The following GRIN2A variants were observed in gnomAD, a reference collection of about 807,000 sequenced individuals.
GRIN2A encodes the protein glutamate receptor ionotropic, NMDA 2A.
Under a neutral mutation model 113.4 loss-of-function variants are expected in GRIN2A, and 22 were observed. That is an observed-to-expected ratio of 0.19 (90% CI 0.14 to 0.28). The LOEUF is 0.28. Ranked by LOEUF, GRIN2A falls within the 10% of genes least tolerant of loss-of-function variation. GRIN2A has a pLI of 1.00. For synonymous variants in GRIN2A, 827 were observed against 738.4 expected (o/e 1.12, Z -1.94); for missense variants, 1,502 against 1,887.0 (o/e 0.80, Z 3.78).
intron 2 of GRIN2A, among the ~76,000 whole-genome samples, chr16:9,981,933 T>G (rs2045899658): frequency 6.6e-6 from 1 of 152,064 alleles, no homozygotes; most frequent in African/African-American, 2.4e-5. Context: ...ATTACAGACA[T>G]GTGCCACCAT....
intron 3 of GRIN2A, among the ~76,000 whole-genome samples, chr16:9,900,385 A>G (rs1471121217): frequency 1.3e-5 from 2 of 152,102 alleles, no homozygotes; most frequent in Non-Finnish European, 2.9e-5. Context: ...TGGGCATCCA[A>G]CTCTATTCAG....
At chr16:10,081,742 T>C (rs998178788) in intron 2 of GRIN2A, among the ~76,000 whole-genome samples, 1 of 152,194 alleles carries the variant, frequency 6.6e-6, no homozygotes, top group Non-Finnish European at 1.5e-5. Flanking sequence ...GTCTCTCCAA[T>C]ACCTGCCTGT....
chr16:9,977,034 C>T (rs774518289), intron 2 of GRIN2A, among the ~76,000 whole-genome samples: 1 of 152,224 alleles, frequency 6.6e-6, no homozygotes, highest in Non-Finnish European at 1.5e-5. Context: ...AGAGTTGACT[C>T]TCCACCTTCT....
chr16:10,024,123 C>A (rs1450827836), intron 2 of GRIN2A, among the ~76,000 whole-genome samples: 2 of 152,194 alleles, frequency 1.3e-5, no homozygotes, highest in African/African-American at 4.8e-5. Flanking sequence ...GGGCTCAAAT[C>A]GAGCCCATGA....
chr16:10,138,471 T>C (rs186976603), intron 2 of GRIN2A, among the ~76,000 whole-genome samples: 73 of 152,134 alleles, frequency 4.8e-4, no homozygotes, highest in African/African-American at 1.7e-3. Flanking sequence ...AAAGAAGCAA[T>C]TGACACACAC....
At chr16:9,945,924 C>T (rs2045007592) in intron 2 of GRIN2A, among the ~76,000 whole-genome samples, 1 of 152,150 alleles carries the variant, frequency 6.6e-6, no homozygotes, top group Non-Finnish European at 1.5e-5. Context: ...GAATTTCAGA[C>T]CTTGTCCCAG....
chr16:10,083,922 T>G (rs1394612935), intron 2 of GRIN2A, among the ~76,000 whole-genome samples: 1 of 152,082 alleles, frequency 6.6e-6, no homozygotes, highest in Non-Finnish European at 1.5e-5. Context: ...GCCAACATGG[T>G]GAAACCCTGT....
At position 9,948,924 on chromosome 16, in the gene GRIN2A, T is replaced by C. The variant is rs540318045; in HGVS notation, c.415-10373A>G. 2.6e-5 allele frequency among the ~76,000 whole-genome samples: 4 copies of C among 152,342 alleles called. No homozygotes were observed. The South Asian group carries it at 8.3e-4, about 32-fold the overall frequency. Reference sequence around the variant, plus strand: ...ATGTACGCAAGTGGCTGGGTCTCCCTGAGCCTCCATTTTTTTCATCTATAA... The same window carrying C: ...ATGTACGCAAGTGGCTGGGTCTCCCCGAGCCTCCATTTTTTTCATCTATAA... On this transcript the variant is annotated intron_variant, in intron 2 of 12. Coordinates refer to ENST00000330684, the MANE Select transcript of GRIN2A (RefSeq NM_001134407.3).
At chr16:10,063,472 T>C (rs902389364) in intron 2 of GRIN2A, among the ~76,000 whole-genome samples, 1 of 152,216 alleles carries the variant, frequency 6.6e-6, no homozygotes, top group African/African-American at 2.4e-5. Context: ...TAGTAGATGC[T>C]TATGACAGCA....
intron 2 of GRIN2A, chr16:10,112,815 T>C: frequency 1.5e-6 from 1 of 654,352 alleles, no homozygotes; most frequent in Admixed American, 1.8e-5. Flanking sequence ...ATTTGAGAAG[T>C]GGACCATGTC....
intron 11 of GRIN2A, 40 bp from the exon 12 acceptor site, chr16:9,769,129 A>T (rs1258884351): frequency 1.3e-5 from 19 of 1,486,680 alleles, no homozygotes; most frequent in Non-Finnish European, 1.8e-5. Flanking sequence ...GAGGACCAGA[A>T]CATGCACTTT....
rs146216866 is a variant in GRIN2A at position 9,808,471 on chromosome 16, A to G, written c.2169-10007T>C. On this transcript the variant is annotated intron_variant, in intron 10 of 12. Coordinates refer to ENST00000330684, the MANE Select transcript of GRIN2A (RefSeq NM_001134407.3). ...TCAGGGGCCAGAAAACATGAGAGTG[A>G]AAGAGAGATTCCGAAAAACATCGAG... Among the ~76,000 whole-genome samples, 500 of 152,302 alleles carry G rather than the reference A, an allele frequency of 3.3e-3. 3 individuals are homozygous for G. Among genetic ancestry groups the G allele is most frequent in the African/African-American group, 0.011 (468 of 41,560 alleles).
At chr16:9,885,729 G>T (rs575873741) in intron 4 of GRIN2A, among the ~76,000 whole-genome samples, 1 of 152,128 alleles carries the variant, frequency 6.6e-6, no homozygotes, top group African/African-American at 2.4e-5. Flanking sequence ...GTGCTGGGGG[G>T]GCAGCTTTAA....
chr16:9,770,741 A>T (rs1027740097), intron 11 of GRIN2A, among the ~76,000 whole-genome samples: 9 of 152,326 alleles, frequency 5.9e-5, no homozygotes, highest in African/African-American at 2.2e-4. Flanking sequence ...ATGGCTTTGA[A>T]TATTACTTCT....
rs2049854994 is a variant in GRIN2A at position 10,163,875 on chromosome 16, T to C, written c.414+16123A>G. ...CCCTTTCCTATCACAAGGCAGTTCT[T>C]GTTACAACCTTGTGGGGATTCAATC... On this transcript the variant is annotated intron_variant, in intron 2 of 12. Coordinates refer to ENST00000330684, the MANE Select transcript of GRIN2A (RefSeq NM_001134407.3). Among the ~76,000 whole-genome samples the C allele has an allele frequency of 2.0e-5, 3 of 152,362 alleles. No homozygotes were observed. In the South Asian group the frequency reaches 6.2e-4, roughly 32 times the overall value.
intron 2 of GRIN2A, among the ~76,000 whole-genome samples, chr16:10,014,854 A>G (rs1022172926): frequency 6.6e-6 from 1 of 152,218 alleles, no homozygotes; most frequent in Non-Finnish European, 1.5e-5. Context: ...TGGGTTATTA[A>G]TAGGAACATG....
chr16:9,880,380 G>A lies in GRIN2A; in HGVS notation c.1122+10606C>T, dbSNP rs185553858. Among the ~76,000 whole-genome samples the A allele has an allele frequency of 2.3e-3, 350 of 151,012 alleles. 1 individual carries two copies. The highest frequency in any genetic ancestry group is 8.3e-3 in the African/African-American group (336 of 40,374). The stretch of plus-strand genomic sequence containing the variant: ...TTGTGTGAAACTAATTGCAGTTTTC[G>A]CTGTTTTTTTTAAATGGCAAAACCC... On this transcript the variant is annotated intron_variant, in intron 4 of 12. Transcript: ENST00000330684.
chr16:10,020,238 C>A (rs1035015042), intron 2 of GRIN2A, among the ~76,000 whole-genome samples: 2 of 152,094 alleles, frequency 1.3e-5, no homozygotes, highest in East Asian at 3.9e-4. Context: ...CTGGTAAAAC[C>A]CCATCTCTAC....
chr16:9,819,522 A>G lies in GRIN2A; in HGVS notation c.2168+2742T>C, dbSNP rs560935638. On this transcript the variant is annotated intron_variant, in intron 10 of 12. Transcript: ENST00000330684. ...GGGTGACAGAGTGAGACCCTGTCTG[A>G]AAAAAAAAAAAAAATTTAAATAATT... Among the ~76,000 whole-genome samples the G allele has an allele frequency of 3.4e-4, 42 of 124,706 alleles. No homozygotes were observed. The East Asian group carries it at 8.0e-3, about 24-fold the overall frequency. The allele number at this position is 124,706 out of a possible 152,430, so 81.8% of individuals were successfully genotyped here.
Sources: gnomAD v4.1 joint callset for allele counts (sites outside exome capture counted in the v4.1 genomes callset) on GRCh38, gnomAD v4.1.1 for gene constraint, MANE v1.5 for transcripts, NCBI Gene and HGNC (gene_info 2026-07-23, HGNC 2026-07-21) for gene names.